The following C10orf71 variants were observed in gnomAD, a reference collection of about 807,000 sequenced individuals.
The protein encoded by C10orf71 is chromosome 10 open reading frame 71, also known as cardiac-enriched FHL2-interacting protein.
For synonymous variants in C10orf71, 758 were observed against 726.3 expected, an observed-to-expected ratio of 1.04 and a Z score of -0.70; for missense variants, 1,869 against 1,804.5, an observed-to-expected ratio of 1.04 and a Z score of -0.65.
At chr10:49,322,026 T>C (rs1681232556) in intron 2 of C10orf71, among the ~76,000 whole-genome samples, 2 of 152,236 alleles carry the variant, frequency 1.3e-5, no homozygotes, top group Non-Finnish European at 2.9e-5. Context: ...ATAGAATACC[T>C]TTTCATTTTT....
At chr10:49,307,810 C>A (rs994523986) in intron 1 of C10orf71, among the ~76,000 whole-genome samples, 1 of 152,200 alleles carries the variant, frequency 6.6e-6, no homozygotes, top group African/African-American at 2.4e-5. Flanking sequence ...ACTGCTTGAA[C>A]CCAGTCCCAT....
intron 1 of C10orf71, among the ~76,000 whole-genome samples, chr10:49,306,796 A>C (rs768257460): frequency 3.1e-4 from 47 of 152,234 alleles, no homozygotes; most frequent in Admixed American, 7.2e-4. Flanking sequence ...GGCACAGAGC[A>C]GCACGAGGAC....
chr10:49,313,943 G>A lies in C10orf71; in HGVS notation c.-247-2202G>A, dbSNP rs114613343. Among the ~76,000 whole-genome samples, 1,357 of 152,314 alleles carry A rather than the reference G, an allele frequency of 8.9e-3. 18 individuals carry two copies. Among genetic ancestry groups the A allele is most frequent in the African/African-American group, 0.031 (1,293 of 41,566 alleles). On this transcript the variant is annotated intron_variant, in intron 1 of 2. Coordinates refer to ENST00000374144, the MANE Select transcript of C10orf71 (RefSeq NM_001135196.2). ...CCATGGTGTGGGGACAATCGCCTGC[G>A]TGGTGACTGTAGAGTGAGAAGAGAA...
chr10:49,305,751 A>G (rs1848801780), intron 1 of C10orf71, among the ~76,000 whole-genome samples: 1 of 152,250 alleles, frequency 6.6e-6, no homozygotes, highest in Admixed American at 6.5e-5. Context: ...CTCCATCCAG[A>G]TGAAAATCTA....
rs368973108 is a variant in C10orf71, at chr10:49,327,215, C to T, written c.*362C>T. The T allele has an allele frequency of 2.2e-5, 10 of 444,770 alleles. No individual in the cohort carries two copies. Among genetic ancestry groups the T allele is most frequent in the Middle Eastern group, 7.8e-4 (1 of 1,286 alleles). The allele number at this position is 444,770 out of a possible 1,614,324, so 27.6% of individuals were successfully genotyped here. A position where few individuals can be genotyped will look rare whatever the true frequency, so the allele number is the denominator to read the frequency against. On this transcript the variant is annotated 3_prime_UTR_variant, in exon 3 of 3. Coordinates refer to ENST00000374144, the MANE Select transcript of C10orf71 (RefSeq NM_001135196.2). ...AATTAGGTGGGTGTGGCAAGGGCAC[C>T]GCCTGGTCCCAAGTGTCCCTCTGTA...
Position 49,325,661 on chromosome 10 carries a change from C to A in C10orf71, c.3116C>A (p.Pro1039His), listed in dbSNP as rs979749435. ...PGFKSHFLSTPRAGPPGRRLV... is the reference protein window; with the variant it reads ...PGFKSHFLSTHRAGPPGRRLV... ...TTCAAGAGTCACTTTTTGTCCACACCCAGAGCAGGGCCCCCTGGCAGAAGA... is the reference window on the plus strand; with the variant it reads ...TTCAAGAGTCACTTTTTGTCCACACACAGAGCAGGGCCCCCTGGCAGAAGA... The change falls in exon 3 of 3, where the codon CCC becomes CAC. Residue 1039 changes from proline to histidine, a missense_variant. Pro to His is a moderately conservative substitution (Grantham distance 77, BLOSUM62 -2). Transcript: ENST00000374144. The A allele has an allele frequency of 1.0e-5, 16 of 1,551,972 alleles. No individual in the cohort carries two copies. The African/African-American group carries it at 2.2e-4, about 21-fold the overall frequency.
Position 49,325,731 on chromosome 10 carries a change from C to A in C10orf71, c.3186C>A (p.Pro1062=), listed in dbSNP as rs10857471. The A allele has an allele frequency of 1.1e-5, 17 of 1,551,412 alleles. No individual in the cohort carries two copies. The highest frequency in any genetic ancestry group is 3.9e-5 in the Admixed American group (2 of 50,984). Residue 1062 remains proline (P), a synonymous_variant, in exon 3 of 3, where the codon CCC becomes CCA. Coordinates refer to ENST00000374144, the MANE Select transcript of C10orf71 (RefSeq NM_001135196.2). Reference sequence around the variant, plus strand: ...CGAATTCCCCCAACCCCGGCTCCCCCGGGGAGAGCAGTGCCTGCTCCCCTG... The same window carrying A: ...CGAATTCCCCCAACCCCGGCTCCCCAGGGGAGAGCAGTGCCTGCTCCCCTG... ...ERANSPNPGS[P]GESSACSPAA...
intron 2 of C10orf71, among the ~76,000 whole-genome samples, chr10:49,316,820 G>A (rs928576048): frequency 2.0e-5 from 3 of 152,048 alleles, no homozygotes; most frequent in Non-Finnish European, 4.4e-5. Context: ...TGGCCCTCGG[G>A]AGCCTCTGCA....
intron 1 of C10orf71, among the ~76,000 whole-genome samples, chr10:49,305,928 G>A (rs1848805030): frequency 6.6e-6 from 1 of 152,216 alleles, no homozygotes. Flanking sequence ...GATTAGATTA[G>A]GATGGAGCAG....
intron 1 of C10orf71, among the ~76,000 whole-genome samples, chr10:49,304,700 AG>A (rs1848784013): frequency 6.6e-6 from 1 of 152,206 alleles, no homozygotes; most frequent in African/African-American, 2.4e-5. Flanking sequence ...GGCTGCTTTC[AG>A]GGGGTTCCCC....
chr10:49,302,182 T>C (rs544975649), intron 1 of C10orf71, among the ~76,000 whole-genome samples: 1 of 152,308 alleles, frequency 6.6e-6, no homozygotes, highest in South Asian at 2.1e-4. Flanking sequence ...TACTCCCCAC[T>C]GTGTCAGGAG....
intron 1 of C10orf71, among the ~76,000 whole-genome samples, chr10:49,301,734 C>G (rs1020997186): frequency 6.6e-6 from 1 of 152,222 alleles, no homozygotes; most frequent in African/African-American, 2.4e-5. Flanking sequence ...AAGCCCAGGT[C>G]AGACAGCCTG....
intron 1 of C10orf71, among the ~76,000 whole-genome samples, chr10:49,308,049 C>A (rs917204931): frequency 1.3e-5 from 2 of 152,184 alleles, no homozygotes; most frequent in Non-Finnish European, 2.9e-5. Flanking sequence ...ACTGGCTACC[C>A]AGGCCAGAAG....
At position 49,326,924 on chromosome 10, in the gene C10orf71, A is replaced by AC; in HGVS notation, c.*71_*72insC. Reference sequence around the variant, plus strand: ...TACTTCCCCCTCCCCCAAAACAAGCAACACACACACACACACACACACACA... The same window carrying AC: ...TACTTCCCCCTCCCCCAAAACAAGCACACACACACACACACACACACACACA... On this transcript the variant is annotated 3_prime_UTR_variant, in exon 3 of 3. Coordinates refer to ENST00000374144, the MANE Select transcript of C10orf71 (RefSeq NM_001135196.2). 1 of 1,045,164 alleles carries AC rather than the reference A, an allele frequency of 9.6e-7. No individual in the cohort carries two copies. Among genetic ancestry groups the AC allele is most frequent in the Non-Finnish European group, 1.3e-6 (1 of 792,716 alleles). The allele number at this position is 1,045,164 out of a possible 1,614,324, so 64.7% of individuals were successfully genotyped here. A position where few individuals can be genotyped will look rare whatever the true frequency, so the allele number is the denominator to read the frequency against.
intron 2 of C10orf71, among the ~76,000 whole-genome samples, chr10:49,319,415 G>A (rs1192932022): frequency 1.3e-5 from 2 of 151,588 alleles, no homozygotes; most frequent in Non-Finnish European, 2.9e-5. Flanking sequence ...CACAATCTTG[G>A]TTGAAATGAA....
rs59483974 is a variant in C10orf71, at chr10:49,319,727, T to C, written c.-144-2675T>C. ...ATATATATATATATATATATATATATATATATACACATACATATATGTGGG... is the reference window on the plus strand; with the variant it reads ...ATATATATATATATATATATATATACATATATACACATACATATATGTGGG... On this transcript the variant is annotated intron_variant, in intron 2 of 2. Transcript: ENST00000374144. Among the ~76,000 whole-genome samples the C allele has an allele frequency of 5.4e-4, 62 of 115,738 alleles. 1 individual carries two copies. The highest frequency in any genetic ancestry group is 4.6e-3 in the Middle Eastern group (1 of 216). 75.9% of individuals were successfully genotyped at this position (115,738 alleles called of 152,430 possible). A position where few individuals can be genotyped will look rare whatever the true frequency, so the allele number is the denominator to read the frequency against.
In C10orf71 at chr10:49,325,382, G is replaced by T. The variant is rs1292869513; in HGVS notation, c.2837G>T (p.Arg946Met). 3 of 1,551,456 alleles carry T rather than the reference G, an allele frequency of 1.9e-6. No homozygotes were observed. Among genetic ancestry groups the T allele is most frequent in the South Asian group, 2.4e-5 (2 of 84,062 alleles). ...CCTGGGCAGGGGTCGAGCATGGCCA[G>T]GATGGAGGCCTCTCAGCCAGCCCCA... ...EDPGQGSSMA[R>M]MEASQPAPKG... is the part of the protein sequence containing the mutation. The change falls in exon 3 of 3, where the codon AGG becomes ATG. Residue 946 changes from arginine (R) to methionine (M), a missense_variant. By Grantham distance (91) the Arg-to-Met change is moderately conservative. Transcript: ENST00000374144.
At position 49,324,156 on chromosome 10, in the gene C10orf71, T is replaced by C. The variant is rs1398914105; in HGVS notation, c.1611T>C (p.Pro537=). Residue 537 remains proline, a synonymous_variant, in exon 3 of 3, where the codon CCT becomes CCC. Transcript: ENST00000374144. The part of the protein sequence containing the change: ...TRGKVDGKQE[P]VSNGVILPNG... ...GTAAGGTTGATGGAAAGCAAGAACC[T>C]GTGAGCAACGGTGTCATCCTCCCCA... The C allele has an allele frequency of 6.2e-7, 1 of 1,613,974 alleles. No homozygotes were observed. Among genetic ancestry groups the C allele is most frequent in the East Asian group, 2.2e-5 (1 of 44,880 alleles).
intron 1 of C10orf71, among the ~76,000 whole-genome samples, chr10:49,308,204 C>A (rs981342597): frequency 6.6e-6 from 1 of 152,186 alleles, no homozygotes; most frequent in African/African-American, 2.4e-5. Context: ...CAACCACAAC[C>A]CCTGGGGCAT....
Sources: gnomAD v4.1 joint callset for allele counts (sites outside exome capture counted in the v4.1 genomes callset) on GRCh38, gnomAD v4.1.1 for gene constraint, MANE v1.5 for transcripts, NCBI Gene and HGNC (gene_info 2026-07-23, HGNC 2026-07-21) for gene names.